SLC14A2: variants seen among roughly 807,000 people sequenced by gnomAD.
The protein encoded by SLC14A2 is urea transporter 2.
In SLC14A2, 91 loss-of-function variants were observed where a neutral mutation model predicts 104.6. The ratio of observed to expected loss-of-function variants is 0.87; its 90% CI spans 0.73 to 1.04. The LOEUF is 1.04. Among genes scored for constraint, SLC14A2 ranks in the 50% least tolerant of loss-of-function variants. The pLI, the probability that SLC14A2 is intolerant of heterozygous loss-of-function variation, is 0.00. For missense variants in SLC14A2, 1,189 were observed against 1,156.0 expected, an observed-to-expected ratio of 1.03 and a Z score of -0.41; for synonymous variants, 476 against 466.4, an observed-to-expected ratio of 1.02 and a Z score of -0.27.
At chr18:45,220,250 T>C (rs2084048899) in intron 1 of SLC14A2, among the ~76,000 whole-genome samples, 2 of 152,218 alleles carry the variant, frequency 1.3e-5, no homozygotes, top group Non-Finnish European at 2.9e-5. Flanking sequence ...CCAAATCACC[T>C]GGTCTTAGCC....
chr18:45,431,941 C>G (rs1158467961), intron 1 of SLC14A2, among the ~76,000 whole-genome samples: 1 of 152,122 alleles, frequency 6.6e-6, no homozygotes, highest in Non-Finnish European at 1.5e-5. Context: ...CCAACAGTCT[C>G]TTTTGTTAGG....
intron 1 of SLC14A2, among the ~76,000 whole-genome samples, chr18:45,292,485 G>C (rs1188891625): frequency 6.6e-6 from 1 of 152,174 alleles, no homozygotes; most frequent in East Asian, 1.9e-4. Context: ...TATTTCAGTG[G>C]TATTAGTGGA....
chr18:45,418,791 T>C (rs1201753710), intron 1 of SLC14A2, among the ~76,000 whole-genome samples: 1 of 151,884 alleles, frequency 6.6e-6, no homozygotes, highest in African/African-American at 2.4e-5. Context: ...TCTGAGGAGG[T>C]GGATTTACCT....
chr18:45,669,889 G>A (rs753195045), intron 16 of SLC14A2, among the ~76,000 whole-genome samples: 17 of 152,182 alleles, frequency 1.1e-4, no homozygotes, highest in Non-Finnish European at 2.2e-4. Context: ...TCAATCACAC[G>A]GAATCATTCA....
At chr18:45,617,567 C>T (rs978040005) in intron 1 of SLC14A2, among the ~76,000 whole-genome samples, 4 of 152,314 alleles carry the variant, frequency 2.6e-5, no homozygotes, top group African/African-American at 9.6e-5. Context: ...TTATACAACC[C>T]AGCCCTGAGT....
chr18:45,513,006 A>T (rs1316754236), intron 2 of SLC14A2, among the ~76,000 whole-genome samples: 1 of 152,178 alleles, frequency 6.6e-6, no homozygotes, highest in Non-Finnish European at 1.5e-5. Flanking sequence ...TTCTGAATAG[A>T]TGGGCCCCAG....
chr18:45,183,359 T>C, the SLC14A2 span, among the ~76,000 whole-genome samples: 2 of 152,186 alleles, frequency 1.3e-5, no homozygotes, highest in African/African-American at 2.4e-5. Context: ...CCTCACCTTT[T>C]ATCTTGCTGC....
intron 1 of SLC14A2, among the ~76,000 whole-genome samples, chr18:45,241,552 G>A (rs746937178): frequency 2.0e-5 from 3 of 152,028 alleles, no homozygotes; most frequent in Non-Finnish European, 4.4e-5. Context: ...ACAGGCAACA[G>A]CCAGCAGAGG....
intron 1 of SLC14A2, among the ~76,000 whole-genome samples, chr18:45,310,010 T>C (rs1330383974): frequency 6.6e-6 from 1 of 152,148 alleles, no homozygotes; most frequent in East Asian, 1.9e-4. Flanking sequence ...CAGATTGGTT[T>C]TGAGATTCAT....
intron 1 of SLC14A2, among the ~76,000 whole-genome samples, chr18:45,388,226 C>G (rs954177920): frequency 6.6e-6 from 1 of 151,820 alleles, no homozygotes; most frequent in South Asian, 2.1e-4. Flanking sequence ...ACACGCCCGG[C>G]TAATTTTTTG....
intron 2 of SLC14A2, among the ~76,000 whole-genome samples, chr18:45,554,133 G>T (rs1366568329): frequency 6.6e-6 from 1 of 152,260 alleles, no homozygotes; most frequent in East Asian, 1.9e-4. Flanking sequence ...TATGGTAGAA[G>T]AATTTGCAGG....
chr18:45,188,785 C>T, the SLC14A2 span, among the ~76,000 whole-genome samples: 35,579 of 151,986 alleles, frequency 0.23, 4,473 homozygotes, highest in Non-Finnish European at 0.3. Context: ...TAGGAAATTC[C>T]CAACATATAG....
chr18:45,669,517 G>A lies in SLC14A2; in HGVS notation c.2229+19G>A, dbSNP rs1342678500. On this transcript the variant is annotated intron_variant, in intron 16 of 19. Coordinates refer to ENST00000255226, the MANE Select transcript of SLC14A2 (RefSeq NM_007163.4). Reference sequence around the variant, plus strand: ...GCCCTTGGTACGTATCATGGAAGGAGGAAGGGCAGGTCTGTCCACACTGGA... The same window carrying A: ...GCCCTTGGTACGTATCATGGAAGGAAGAAGGGCAGGTCTGTCCACACTGGA... 1 of 1,603,266 alleles carries A rather than the reference G, an allele frequency of 6.2e-7. No homozygotes were observed.
At chr18:45,239,952 C>CT (rs150355506) in intron 1 of SLC14A2, among the ~76,000 whole-genome samples, 1 of 151,974 alleles carries the variant, frequency 6.6e-6, no homozygotes, top group African/African-American at 2.4e-5. Context: ...GAATTTGATT[C>CT]TTTTTTTATG....
intron 1 of SLC14A2, among the ~76,000 whole-genome samples, chr18:45,398,417 G>A (rs923994521): frequency 6.6e-6 from 1 of 152,088 alleles, no homozygotes; most frequent in Non-Finnish European, 1.5e-5. Context: ...GCAGGGATTG[G>A]GCAGGCAGAG....
At chr18:45,352,311 T>C (rs781125883) in intron 1 of SLC14A2, among the ~76,000 whole-genome samples, 3 of 152,090 alleles carry the variant, frequency 2.0e-5, no homozygotes, top group South Asian at 2.1e-4. Context: ...CCCCACCCCA[T>C]ACCCATTCTT....
intron 1 of SLC14A2, among the ~76,000 whole-genome samples, chr18:45,298,281 T>C (rs1248881899): frequency 6.6e-6 from 1 of 152,212 alleles, no homozygotes; most frequent in Non-Finnish European, 1.5e-5. Context: ...AAGCCAGTGA[T>C]CCAGGAACAG....
chr18:45,652,199 A>G (rs953238373), intron 10 of SLC14A2, among the ~76,000 whole-genome samples: 42 of 152,254 alleles, frequency 2.8e-4, no homozygotes, highest in African/African-American at 9.4e-4. Context: ...TTTCTACTCA[A>G]TAAACCATGG....
At chr18:45,523,316 G>T (rs948379729) in intron 2 of SLC14A2, among the ~76,000 whole-genome samples, 1 of 147,966 alleles carries the variant, frequency 6.8e-6, no homozygotes, top group Non-Finnish European at 1.5e-5. Flanking sequence ...CCATCACCAG[G>T]TTTTTTTTTT....
Sources: allele counts gnomAD v4.1 joint callset (sites outside exome capture counted in the v4.1 genomes callset), GRCh38; gene constraint gnomAD v4.1.1; transcripts MANE v1.5; gene names NCBI Gene and HGNC (gene_info 2026-07-23, HGNC 2026-07-21).